CEP290: variants seen among roughly 807,000 people sequenced by gnomAD.
The protein encoded by CEP290 is centrosomal protein 290.
A neutral mutation model predicts 344.9 loss-of-function variants in CEP290; 317 were observed. That is an observed-to-expected ratio of 0.92 (90% confidence interval 0.84 to 1.01). CEP290 has a LOEUF of 1.01. Ranked by LOEUF, CEP290 falls within the 50% of genes least tolerant of loss-of-function variation. CEP290 has a pLI of 0.00. For synonymous variants in CEP290, 932 were observed against 895.8 expected (o/e 1.04, Z -0.72); for missense variants, 2,754 against 2,761.4 (o/e 1.00, Z 0.06).
intron 13 of CEP290, among the ~76,000 whole-genome samples, chr12:88,122,679 A>G (rs2039478327): frequency 6.6e-6 from 1 of 152,148 alleles, no homozygotes; most frequent in Admixed American, 6.6e-5. Context: ...ATCAATTGCC[A>G]CTTTTTCTCC....
At chr12:88,115,297 AC>A (rs2038972186) in intron 18 of CEP290, 115 bp from the exon 19 acceptor site, 4 of 715,278 alleles carry the variant, frequency 5.6e-6, no homozygotes, top group Non-Finnish European at 9.0e-6. Flanking sequence ...AACAAAAAAA[AC>A]GAGCTATGAA....
Position 88,068,583 on chromosome 12 carries a change from A to C in CEP290, c.6074T>G (p.Leu2025Arg). 1 of 1,589,870 alleles carries C rather than the reference A, an allele frequency of 6.3e-7. No individual in the cohort carries two copies. Among genetic ancestry groups the C allele is most frequent in the Non-Finnish European group, 8.5e-7 (1 of 1,170,692 alleles). The change falls in exon 44 of 54, where the codon CTC becomes CGC. Residue 2025 changes from leucine to arginine, a missense_variant. Physicochemically the swap from Leu to Arg is moderately radical, Grantham distance 102. Coordinates refer to ENST00000552810, the MANE Select transcript of CEP290 (RefSeq NM_025114.4). ...TTCTAAAGCATGAAGTTTTTCTTGG[A>C]GGTATCTATTTTGTAAATGTAAATC... Reference protein sequence around the residue: ...VEDLHLQNRYLQEKLHALEKQ... With the variant: ...VEDLHLQNRYRQEKLHALEKQ...
chr12:88,079,618 T>C (rs2036041546), intron 38 of CEP290, among the ~76,000 whole-genome samples: 1 of 152,112 alleles, frequency 6.6e-6, no homozygotes, highest in Admixed American at 6.5e-5. Flanking sequence ...AGGAAAGGCT[T>C]AAAGTTTACC....
At chr12:88,127,983 C>T (rs1180618518) in intron 11 of CEP290, among the ~76,000 whole-genome samples, 1 of 152,142 alleles carries the variant, frequency 6.6e-6, no homozygotes, top group Non-Finnish European at 1.5e-5. Flanking sequence ...TGCCAACATT[C>T]AATCTGGTAA....
intron 38 of CEP290, 45 bp downstream of exon 38, chr12:88,080,137 C>T: frequency 8.0e-7 from 1 of 1,249,342 alleles, no homozygotes; most frequent in Non-Finnish European, 1.1e-6. Flanking sequence ...AAGCAATCTA[C>T]CACATATTTT....
intron 31 of CEP290, 81 bp from the exon 32 acceptor site, chr12:88,088,025 T>C (rs930960991): frequency 5.8e-6 from 3 of 513,682 alleles, no homozygotes; most frequent in African/African-American, 4.0e-5. Flanking sequence ...ATGATTTTAA[T>C]TGAAAGTAAT....
intron 27 of CEP290, 144 bp downstream of exon 27, chr12:88,096,744 C>T: frequency 1.9e-6 from 1 of 532,656 alleles, no homozygotes. Context: ...ATTCATCTGC[C>T]TAAGTTAAAT....
intron 15 of CEP290, among the ~76,000 whole-genome samples, chr12:88,119,470 T>G (rs2137887468): frequency 6.6e-6 from 1 of 152,278 alleles, no homozygotes; most frequent in African/African-American, 2.4e-5. Flanking sequence ...GTAAGTAGTC[T>G]AAATTATAAA....
intron 33 of CEP290, 34 bp downstream of exon 33, chr12:88,086,357 C>T (rs558758514): frequency 9.8e-6 from 15 of 1,523,826 alleles, no homozygotes; most frequent in Non-Finnish European, 1.3e-5. Flanking sequence ...CTAGACTATG[C>T]TACAGAGTAA....
chr12:88,082,821 C>A (rs1357640900), intron 37 of CEP290, among the ~76,000 whole-genome samples: 1 of 152,116 alleles, frequency 6.6e-6, no homozygotes, highest in Admixed American at 6.5e-5. Context: ...TCCCATCTAC[C>A]CCCAGACATG....
intron 28 of CEP290, 178 bp downstream of exon 28, chr12:88,093,592 T>C (rs751260292): frequency 3.1e-5 from 16 of 521,722 alleles, no homozygotes; most frequent in Admixed American, 7.1e-5. Flanking sequence ...TACAGAAATA[T>C]CTGCTTTCCT....
In CEP290 at chr12:88,060,952, T is replaced by C. The variant is rs1020668647; in HGVS notation, c.6400A>G (p.Ile2134Val). The C allele has an allele frequency of 6.4e-7, 1 of 1,562,666 alleles. No individual in the cohort carries two copies. The highest frequency in any genetic ancestry group is 8.7e-7 in the Non-Finnish European group (1 of 1,152,366). ...TCAACTACTTTTTTCATTAAACCAA[T>C]GGTTTTTTCCAGTTCTGGGATTGTC... is the stretch of plus-strand genomic sequence containing the variant. ...GKTIPELEKT[I>V]GLMKKVVEKV... is the part of the protein sequence containing the mutation. Residue 2134 changes from isoleucine to valine, a missense_variant, in exon 47 of 54, where the codon ATT becomes GTT. Transcript: ENST00000552810.
At chr12:88,129,129 T>C in intron 10 of CEP290, 94 bp from the exon 11 acceptor site, 1 of 564,814 alleles carries the variant, frequency 1.8e-6, no homozygotes, top group Non-Finnish European at 2.8e-6. Context: ...TATATAAATA[T>C]ATCTACATAC....
rs185158836 is a variant in CEP290, at chr12:88,078,631, T to C, written c.5364+461A>G. Reference sequence around the variant, plus strand: ...TATACATTTGTCTAAACACACAGAGTGTAAAATACCAAGAGCTAAAATAGA... The same window carrying C: ...TATACATTTGTCTAAACACACAGAGCGTAAAATACCAAGAGCTAAAATAGA... On this transcript the variant is annotated intron_variant, in intron 39 of 53. Coordinates refer to ENST00000552810, the MANE Select transcript of CEP290 (RefSeq NM_025114.4). Among the ~76,000 whole-genome samples, 10 of 152,042 alleles carry C rather than the reference T, an allele frequency of 6.6e-5. No individual in the cohort carries two copies. In the East Asian group the frequency reaches 1.9e-3, roughly 29 times the overall value.
At position 88,111,780 on chromosome 12, in the gene CEP290, T is replaced by C. The variant is rs758037479; in HGVS notation, c.2131A>G (p.Arg711Gly). 2.5e-6 allele frequency: 4 copies of C among 1,607,528 alleles called. No homozygotes were observed. The highest frequency in any genetic ancestry group is 3.4e-5 in the Admixed American group (2 of 59,000). ...LKAQVDQLTG[R>G]NEELRQELRE... ...AGCTCCTGTCTTAATTCTTCATTTC[T>C]TCCGGTAAGCTGATCAACTTGGGCT... Residue 711 changes from arginine to glycine, a missense_variant, in exon 21 of 54, where the codon AGA becomes GGA. By Grantham distance (125) the Arg-to-Gly change is moderately radical. Coordinates refer to ENST00000552810, the MANE Select transcript of CEP290 (RefSeq NM_025114.4).
At chr12:88,086,313 T>A in intron 33 of CEP290, 78 bp downstream of exon 33, 1 of 1,432,342 alleles carries the variant, frequency 7.0e-7, no homozygotes, top group South Asian at 1.4e-5. Context: ...TAAAATTACA[T>A]CTGATACAGG....
chr12:88,110,483 G>A (rs11104739), intron 22 of CEP290, among the ~76,000 whole-genome samples: 78,314 of 151,824 alleles, frequency 0.52, 22,610 homozygotes, highest in East Asian at 0.72. Flanking sequence ...GGCCAAGGCA[G>A]GCGAATCACT....
chr12:88,078,278 A>C (rs182374926), intron 39 of CEP290, among the ~76,000 whole-genome samples: 9 of 152,254 alleles, frequency 5.9e-5, no homozygotes, highest in African/African-American at 2.2e-4. Flanking sequence ...GAAGCATAAG[A>C]GTAGTACAGA....
intron 22 of CEP290, among the ~76,000 whole-genome samples, chr12:88,110,402 T>C (rs1353833198): frequency 6.6e-6 from 1 of 152,070 alleles, no homozygotes; most frequent in African/African-American, 2.4e-5. Context: ...AGATGAAGAA[T>C]AATTTGGTTT....
Sources: gnomAD v4.1 joint callset for allele counts (sites outside exome capture counted in the v4.1 genomes callset) on GRCh38, gnomAD v4.1.1 for gene constraint, MANE v1.5 for transcripts, NCBI Gene and HGNC (gene_info 2026-07-23, HGNC 2026-07-21) for gene names.